Variants in CSMD2 observed in about 807,000 individuals in gnomAD.
CSMD2 encodes CUB and sushi domain-containing protein 2.
CSMD2 carries 130 observed loss-of-function variants against 398.5 expected under a neutral mutation model. That is an observed-to-expected ratio of 0.33 (90% CI 0.28 to 0.38). CSMD2 has a LOEUF of 0.38. CSMD2 is among the 10% of genes least tolerant of loss of function. The probability of loss-of-function intolerance (pLI) is 1.00; values close to 1 mark genes in which losing one functional copy is unlikely to be tolerated. For synonymous variants in CSMD2, 1,828 were observed against 1,908.5 expected, an observed-to-expected ratio of 0.96 and a Z score of 1.10; for missense variants, 3,829 against 4,764.9, an observed-to-expected ratio of 0.80 and a Z score of 5.78.
intron 5 of CSMD2, among the ~76,000 whole-genome samples, chr1:33,896,581 C>T (rs940923420): frequency 1.6e-4 from 24 of 152,200 alleles, no homozygotes; most frequent in African/African-American, 5.1e-4. Flanking sequence ...CTTCATCTGG[C>T]GAAGGAGAAT....
At chr1:33,712,444 C>T (rs1465550982) in intron 21 of CSMD2, among the ~76,000 whole-genome samples, 1 of 152,216 alleles carries the variant, frequency 6.6e-6, no homozygotes, top group African/African-American at 2.4e-5. Context: ...CGACTGGGAG[C>T]AGCCCCCGGT....
chr1:33,574,015 C>T (rs1340119581), intron 49 of CSMD2, among the ~76,000 whole-genome samples: 3 of 152,162 alleles, frequency 2.0e-5, no homozygotes, highest in Non-Finnish European at 2.9e-5. Context: ...AAGCTTTAAA[C>T]CTCTGAAGAA....
chr1:33,788,188 G>C (rs965061317), intron 12 of CSMD2, among the ~76,000 whole-genome samples: 4 of 152,054 alleles, frequency 2.6e-5, no homozygotes, highest in African/African-American at 7.2e-5. Flanking sequence ...CATGCCTAAG[G>C]GGGAGGAAGC....
chr1:34,131,356 T>C (rs1339402678), intron 1 of CSMD2, among the ~76,000 whole-genome samples: 3 of 143,132 alleles, frequency 2.1e-5, no homozygotes, highest in Non-Finnish European at 4.6e-5. Flanking sequence ...GAGGGGGGGG[T>C]CTTAATTTTT....
At chr1:33,698,447 C>T (rs936513843) in intron 24 of CSMD2, among the ~76,000 whole-genome samples, 1 of 152,164 alleles carries the variant, frequency 6.6e-6, no homozygotes, top group African/African-American at 2.4e-5. Flanking sequence ...ATGGACTCTC[C>T]CACCTCATCG....
intron 2 of CSMD2, among the ~76,000 whole-genome samples, chr1:34,063,234 G>C (rs150902896): frequency 6.6e-6 from 1 of 152,154 alleles, no homozygotes; most frequent in African/African-American, 2.4e-5. Context: ...TCATGTCCTC[G>C]TATTTCAAAA....
At chr1:33,668,544 G>A (rs1644388742) in intron 25 of CSMD2, among the ~76,000 whole-genome samples, 1 of 152,190 alleles carries the variant, frequency 6.6e-6, no homozygotes, top group Non-Finnish European at 1.5e-5. Flanking sequence ...CTAATGAGCA[G>A]TTCTGATCGA....
intron 1 of CSMD2, among the ~76,000 whole-genome samples, chr1:34,131,340 G>A (rs939664243): frequency 4.0e-5 from 6 of 151,498 alleles, no homozygotes; most frequent in Non-Finnish European, 8.8e-5. Flanking sequence ...ATTGGGAGGT[G>A]CAGGAGAGGG....
chr1:33,542,618 A>C lies in CSMD2; in HGVS notation c.9277+102T>G. Reference sequence around the variant, plus strand: ...TTATCGTTCAGGTTCAAGTCCGACCATCCCAACCATTCTGCACCATCTTCC... The same window carrying C: ...TTATCGTTCAGGTTCAAGTCCGACCCTCCCAACCATTCTGCACCATCTTCC... On this transcript the variant is annotated intron_variant, in intron 58 of 70. Coordinates refer to ENST00000373381, the MANE Select transcript of CSMD2 (RefSeq NM_001281956.2). The C allele has an allele frequency of 2.7e-6, 3 of 1,095,126 alleles. No homozygotes were observed. In the South Asian group the frequency reaches 4.9e-5, roughly 18 times the overall value. 67.8% of individuals were successfully genotyped at this position (1,095,126 alleles called of 1,614,324 possible).
intron 11 of CSMD2, among the ~76,000 whole-genome samples, chr1:33,790,719 A>G (rs1378554157): frequency 6.7e-6 from 1 of 150,204 alleles, no homozygotes; most frequent in African/African-American, 2.5e-5. Context: ...TCTGTCTATC[A>G]TCTATCAATC....
At chr1:34,076,341 G>A (rs1340932291) in intron 2 of CSMD2, among the ~76,000 whole-genome samples, 1 of 152,226 alleles carries the variant, frequency 6.6e-6, no homozygotes. Flanking sequence ...TTATGCTAAA[G>A]GTATGAACCT....
At chr1:33,539,093 G>C (rs921804410) in intron 60 of CSMD2, among the ~76,000 whole-genome samples, 1 of 151,928 alleles carries the variant, frequency 6.6e-6, no homozygotes, top group Non-Finnish European at 1.5e-5. Context: ...CCAACCTCCC[G>C]AGTAGGTGGG....
intron 44 of CSMD2, among the ~76,000 whole-genome samples, chr1:33,596,916 A>G (rs932871425): frequency 1.3e-5 from 2 of 152,168 alleles, no homozygotes; most frequent in African/African-American, 4.8e-5. Context: ...CGTTTTATTT[A>G]TCTCTTGGCC....
At chr1:33,889,019 C>G (rs1283009024) in intron 5 of CSMD2, among the ~76,000 whole-genome samples, 1 of 152,128 alleles carries the variant, frequency 6.6e-6, no homozygotes, top group Non-Finnish European at 1.5e-5. Context: ...ATCCGCCCAC[C>G]TTAGCCTCCC....
rs146605519 is a variant in CSMD2, at chr1:33,725,516, T to C, written c.2528A>G (p.Tyr843Cys). ...CCCATCGCGTACTTCCAGGGTGTCA[T>C]AGTTGACCTCGGTTTTGAATCTGCC... ...TFDRFKTEVN[Y>C]DTLEVRDGRT... The change falls in exon 17 of 71, where the codon TAT becomes TGT. Residue 843 changes from tyrosine to cysteine, a missense_variant. By Grantham distance (194) the Tyr-to-Cys change is radical (BLOSUM62 -2). This residue lies in a region of CSMD2 where 2,001 missense variants were observed against 2,567.1 expected (regional missense o/e 0.78). Transcript: ENST00000373381. 4.3e-6 allele frequency: 7 copies of C among 1,614,056 alleles called. No homozygotes were observed. Among genetic ancestry groups the C allele is most frequent in the South Asian group, 1.1e-5 (1 of 91,088 alleles).
chr1:33,841,862 GAA>G (rs2125066836), intron 6 of CSMD2, among the ~76,000 whole-genome samples: 1 of 152,258 alleles, frequency 6.6e-6, no homozygotes, highest in Admixed American at 6.5e-5. Context: ...AACCCAATTT[GAA>G]AACCACTTTT....
intron 6 of CSMD2, among the ~76,000 whole-genome samples, chr1:33,832,045 T>C (rs1428071289): frequency 1.3e-5 from 2 of 150,730 alleles, no homozygotes; most frequent in African/African-American, 4.9e-5. Context: ...AGACTTAGAC[T>C]CCCACACAAT....
chr1:33,695,936 T>C (rs1249474692), intron 24 of CSMD2, among the ~76,000 whole-genome samples: 1 of 152,202 alleles, frequency 6.6e-6, no homozygotes, highest in Non-Finnish European at 1.5e-5. Flanking sequence ...TGCATTACAA[T>C]GTGAATAGAT....
intron 12 of CSMD2, among the ~76,000 whole-genome samples, chr1:33,782,199 G>A (rs1652869540): frequency 6.6e-6 from 1 of 151,036 alleles, no homozygotes; most frequent in African/African-American, 2.4e-5. Flanking sequence ...CCCAACCCCT[G>A]CTCGTTCCTG....
Sources: gnomAD v4.1 joint callset for allele counts (sites outside exome capture counted in the v4.1 genomes callset) on GRCh38, gnomAD v4.1.1 for gene constraint, gnomAD v4.1.1 regional missense constraint, MANE v1.5 for transcripts, NCBI Gene and HGNC (gene_info 2026-07-23, HGNC 2026-07-21) for gene names.